The following MAGI2 variants were observed in gnomAD, a reference collection of about 807,000 sequenced individuals.
MAGI2 encodes the protein membrane associated guanylate kinase, WW and PDZ domain containing 2, also known as membrane-associated guanylate kinase, WW and PDZ domain-containing protein 2.
In MAGI2, 35 loss-of-function variants were observed where a neutral mutation model predicts 133.3. That is an observed-to-expected ratio of 0.26 (90% CI 0.20 to 0.35). The LOEUF (loss-of-function observed/expected upper bound fraction) is 0.35. MAGI2 is among the 10% of genes least tolerant of loss of function. The probability of loss-of-function intolerance (pLI) is 1.00; values close to 1 mark genes in which losing one functional copy is unlikely to be tolerated. For synonymous variants in MAGI2, 729 were observed against 710.6 expected, an observed-to-expected ratio of 1.03 and a Z score of -0.41; for missense variants, 1,636 against 1,863.4, an observed-to-expected ratio of 0.88 and a Z score of 2.25.
At chr7:79,401,915 T>C in intron 1 of MAGI2, among the ~76,000 whole-genome samples, 1 of 152,234 alleles carries the variant, frequency 6.6e-6, no homozygotes, top group Admixed American at 6.5e-5. Flanking sequence ...CTAAATTTAA[T>C]TAAAGTATGC....
intron 2 of MAGI2, among the ~76,000 whole-genome samples, chr7:78,777,177 G>A (rs1474850481): frequency 6.6e-6 from 1 of 152,140 alleles, no homozygotes; most frequent in Non-Finnish European, 1.5e-5. Context: ...AAAGCAAAAA[G>A]GAGAAAAATT....
At chr7:78,152,452 G>A (rs1360261760) in intron 16 of MAGI2, among the ~76,000 whole-genome samples, 2 of 152,174 alleles carry the variant, frequency 1.3e-5, no homozygotes, top group African/African-American at 4.8e-5. Context: ...ACTTGGTACA[G>A]GAGGACTGGA....
At chr7:79,101,735 AAAAAAG>A (rs1206457853) in intron 1 of MAGI2, among the ~76,000 whole-genome samples, 103 of 150,842 alleles carry the variant, frequency 6.8e-4, no homozygotes, top group Admixed American at 2.4e-3. Flanking sequence ...AAAAAAAAAA[AAAAAAG>A]AAAAAAGAAA....
chr7:79,356,248 A>G (rs1842011197), intron 1 of MAGI2, among the ~76,000 whole-genome samples: 1 of 152,172 alleles, frequency 6.6e-6, no homozygotes, highest in East Asian at 1.9e-4. Context: ...ACTTCAAACA[A>G]TCATTAGTTA....
intron 14 of MAGI2, among the ~76,000 whole-genome samples, chr7:78,175,644 G>C (rs539502485): frequency 1.8e-4 from 28 of 152,286 alleles, no homozygotes; most frequent in African/African-American, 6.0e-4. Context: ...AGTGTTTAAA[G>C]TTGGGGTGGT....
chr7:78,293,661 A>C (rs1172445900), intron 9 of MAGI2, among the ~76,000 whole-genome samples: 2 of 152,228 alleles, frequency 1.3e-5, no homozygotes, highest in Admixed American at 1.3e-4. Flanking sequence ...CACTATTCAC[A>C]ATAGCAAAGA....
chr7:78,446,963 T>A (rs1788207870), intron 6 of MAGI2, among the ~76,000 whole-genome samples: 1 of 152,060 alleles, frequency 6.6e-6, no homozygotes, highest in African/African-American at 2.4e-5. Flanking sequence ...AGTTGGCAGT[T>A]TCTCAGAAGG....
chr7:79,264,533 T>C (rs963380936), intron 1 of MAGI2, among the ~76,000 whole-genome samples: 1 of 152,152 alleles, frequency 6.6e-6, no homozygotes, highest in Admixed American at 6.6e-5. Flanking sequence ...ACTACACATG[T>C]AAATTTTACA....
chr7:78,333,874 G>A (rs937443895), intron 9 of MAGI2, among the ~76,000 whole-genome samples: 2 of 152,204 alleles, frequency 1.3e-5, no homozygotes, highest in African/African-American at 2.4e-5. Context: ...GCAGAATCAT[G>A]AGCCAACAAT....
chr7:78,863,595 G>A (rs1463622201), intron 2 of MAGI2, among the ~76,000 whole-genome samples: 4 of 152,168 alleles, frequency 2.6e-5, no homozygotes, highest in African/African-American at 9.7e-5. Flanking sequence ...TTGTGCAGTG[G>A]GGACCAAATT....
At chr7:78,530,063 T>C (rs994227627) in intron 3 of MAGI2, among the ~76,000 whole-genome samples, 42 of 152,300 alleles carry the variant, frequency 2.8e-4, no homozygotes, top group African/African-American at 9.9e-4. Context: ...GCTGCTATAC[T>C]GGACAGCACA....
intron 1 of MAGI2, among the ~76,000 whole-genome samples, chr7:79,319,771 C>T (rs946365999): frequency 6.6e-6 from 1 of 152,114 alleles, no homozygotes; most frequent in Non-Finnish European, 1.5e-5. Flanking sequence ...AATGAAGTCC[C>T]ATCTAAGCCT....
At chr7:78,854,399 T>C (rs927632710) in intron 2 of MAGI2, among the ~76,000 whole-genome samples, 5 of 152,118 alleles carry the variant, frequency 3.3e-5, no homozygotes, top group Admixed American at 1.3e-4. Context: ...TATACTTGTT[T>C]TATAATGAGT....
At chr7:79,157,559 GAAA>G (rs71095381) in intron 1 of MAGI2, among the ~76,000 whole-genome samples, 4 of 138,388 alleles carry the variant, frequency 2.9e-5, no homozygotes. Flanking sequence ...CTCCTTTTAA[GAAA>G]AAAAAAAAAA....
chr7:79,138,997 A>G (rs1224274834), intron 1 of MAGI2, among the ~76,000 whole-genome samples: 1 of 151,236 alleles, frequency 6.6e-6, no homozygotes, highest in East Asian at 1.9e-4. Flanking sequence ...AAAAAAAAAA[A>G]AAGAGTCAAA....
intron 9 of MAGI2, among the ~76,000 whole-genome samples, chr7:78,278,039 A>G (rs1022934950): frequency 3.9e-5 from 6 of 152,132 alleles, no homozygotes; most frequent in Non-Finnish European, 1.5e-5. Context: ...TGAGAAAAGT[A>G]CCTTTTTATC....
chr7:79,350,052 C>T (rs1585666499), intron 1 of MAGI2, among the ~76,000 whole-genome samples: 1 of 152,192 alleles, frequency 6.6e-6, no homozygotes, highest in East Asian at 1.9e-4. Context: ...GAGGCTGATG[C>T]TGAGGCCAGA....
intron 2 of MAGI2, among the ~76,000 whole-genome samples, chr7:78,817,278 G>T (rs1377789997): frequency 1.3e-5 from 2 of 152,186 alleles, no homozygotes; most frequent in Non-Finnish European, 1.5e-5. Flanking sequence ...TCTACTTCTG[G>T]TGAAGATGCT....
At chr7:79,191,417 T>C (rs868122554) in intron 1 of MAGI2, among the ~76,000 whole-genome samples, 1 of 109,074 alleles carries the variant, frequency 9.2e-6, no homozygotes, top group African/African-American at 4.0e-5. Context: ...TTTTTTTTTT[T>C]TTTTTTTTTT....
Sources: gnomAD v4.1 joint callset for allele counts (sites outside exome capture counted in the v4.1 genomes callset) on GRCh38, gnomAD v4.1.1 for gene constraint, MANE v1.5 for transcripts, NCBI Gene and HGNC (gene_info 2026-07-23, HGNC 2026-07-21) for gene names.